The following ANO6 variants were observed in gnomAD, a reference collection of about 807,000 sequenced individuals.
ANO6 encodes anoctamin-6.
ANO6 carries 106 observed loss-of-function variants against 117.5 expected under a neutral mutation model. The ratio of observed to expected loss-of-function variants is 0.90; its 90% confidence interval spans 0.77 to 1.06. The LOEUF (loss-of-function observed/expected upper bound fraction) is 1.06. Among genes scored for constraint, ANO6 ranks in the 50% least tolerant of loss-of-function variants. The pLI is 0.00. For synonymous variants in ANO6, 367 were observed against 385.1 expected (o/e 0.95, Z 0.55); for missense variants, 955 against 1,121.1 (o/e 0.85, Z 2.12).
chr12:45,388,950 A>C lies in ANO6; in HGVS notation c.1308+647A>C, dbSNP rs575462225. 9.4e-4 allele frequency among the ~76,000 whole-genome samples: 143 copies of C among 152,342 alleles called. 1 individual carries two copies. The South Asian group carries it at 0.011, about 11-fold the overall frequency. The stretch of plus-strand genomic sequence containing the variant: ...TATATTCTGTCTGTATAAATATTCC[A>C]AAGTCCCTGAAAGATGATTTTTAAA... On this transcript the variant is annotated intron_variant, in intron 11 of 19. Coordinates refer to ENST00000320560, the MANE Select transcript of ANO6 (RefSeq NM_001025356.3).
intron 1 of ANO6, among the ~76,000 whole-genome samples, chr12:45,267,961 C>G (rs1025492011): frequency 9.9e-5 from 15 of 151,450 alleles, no homozygotes; most frequent in African/African-American, 3.4e-4. Context: ...AAAAATAACT[C>G]TCTCTCCCAA....
chr12:45,289,496 C>A (rs1939027531), intron 1 of ANO6, among the ~76,000 whole-genome samples: 1 of 152,140 alleles, frequency 6.6e-6, no homozygotes, highest in South Asian at 2.1e-4. Flanking sequence ...GCTATACTCA[C>A]CAAATTGCTA....
At chr12:45,358,158 G>T (rs777921036) in intron 8 of ANO6, among the ~76,000 whole-genome samples, 1 of 152,162 alleles carries the variant, frequency 6.6e-6, no homozygotes, top group Non-Finnish European at 1.5e-5. Context: ...ATCCAGGTGT[G>T]CCAGCCAGAT....
intron 1 of ANO6, among the ~76,000 whole-genome samples, chr12:45,264,655 A>G (rs867685088): frequency 1.3e-5 from 2 of 152,126 alleles, no homozygotes; most frequent in South Asian, 4.1e-4. Flanking sequence ...GTGAAACCTG[A>G]CTGTGGATAC....
At chr12:45,417,178 A>T (rs1215570788) in intron 17 of ANO6, among the ~76,000 whole-genome samples, 1 of 152,240 alleles carries the variant, frequency 6.6e-6, no homozygotes, top group African/African-American at 2.4e-5. Flanking sequence ...GATAAGAAGT[A>T]CTAACACTTT....
intron 19 of ANO6, among the ~76,000 whole-genome samples, chr12:45,439,005 A>G (rs540468610): frequency 1.3e-5 from 2 of 152,346 alleles, no homozygotes; most frequent in South Asian, 4.1e-4. Context: ...AAGATGTAGG[A>G]AGTATATCCA....
chr12:45,285,554 C>A (rs1208126407), intron 1 of ANO6, among the ~76,000 whole-genome samples: 1 of 152,008 alleles, frequency 6.6e-6, no homozygotes, highest in Non-Finnish European at 1.5e-5. Flanking sequence ...CATGGTGAAA[C>A]CTTGTCTCTA....
intron 7 of ANO6, among the ~76,000 whole-genome samples, chr12:45,351,655 T>G (rs879334280): frequency 6.6e-6 from 1 of 152,062 alleles, no homozygotes; most frequent in Non-Finnish European, 1.5e-5. Flanking sequence ...CTTTGAGGAC[T>G]TGGCAGAAGT....
chr12:45,224,273 A>G (rs1947448223), intron 1 of ANO6, among the ~76,000 whole-genome samples: 1 of 152,212 alleles, frequency 6.6e-6, no homozygotes, highest in African/African-American at 2.4e-5. Flanking sequence ...GGGCTAGGAC[A>G]GCAGAGCGTC....
chr12:45,260,023 CT>C (rs766791028), intron 1 of ANO6, among the ~76,000 whole-genome samples: 8 of 152,232 alleles, frequency 5.3e-5, no homozygotes, highest in South Asian at 2.1e-4. Context: ...CTCTGTGCAG[CT>C]GTAATAACCT....
chr12:45,229,530 C>T (rs1947541508), intron 1 of ANO6, among the ~76,000 whole-genome samples: 1 of 151,828 alleles, frequency 6.6e-6, no homozygotes, highest in Non-Finnish European at 1.5e-5. Context: ...GCTGGGACTA[C>T]AGGCGCCTGC....
intron 1 of ANO6, among the ~76,000 whole-genome samples, chr12:45,226,715 TCA>T (rs1366110726): frequency 7.2e-5 from 11 of 152,118 alleles, no homozygotes; most frequent in African/African-American, 2.7e-4. Context: ...TGTCACATAG[TCA>T]CAGTCTTATA....
intron 12 of ANO6, among the ~76,000 whole-genome samples, chr12:45,395,974 G>T (rs961580029): frequency 6.6e-6 from 1 of 152,158 alleles, no homozygotes; most frequent in Non-Finnish European, 1.5e-5. Flanking sequence ...TCAACATAGT[G>T]TTGGAAGTTC....
intron 16 of ANO6, 134 bp downstream of exon 16, chr12:45,409,621 T>C: frequency 9.3e-7 from 1 of 1,073,916 alleles, no homozygotes; most frequent in Non-Finnish European, 1.4e-6. Context: ...CTCCACTAGA[T>C]AAAATTATAC....
chr12:45,350,392 T>C (rs1320248264), intron 6 of ANO6, among the ~76,000 whole-genome samples: 1 of 152,126 alleles, frequency 6.6e-6, no homozygotes, highest in East Asian at 1.9e-4. Flanking sequence ...TTTAAGCATC[T>C]CTGGGGCCCT....
intron 7 of ANO6, among the ~76,000 whole-genome samples, chr12:45,355,506 AT>A (rs1423531637): frequency 6.6e-6 from 1 of 152,086 alleles, no homozygotes; most frequent in African/African-American, 2.4e-5. Context: ...TAAATATGGC[AT>A]TTCCAGGATG....
At chr12:45,352,257 C>T (rs78261580) in intron 7 of ANO6, among the ~76,000 whole-genome samples, 4,649 of 152,128 alleles carry the variant, frequency 0.031, 128 homozygotes, top group South Asian at 0.069. Flanking sequence ...CTGCATTCAT[C>T]TGTCACCCAG....
intron 1 of ANO6, among the ~76,000 whole-genome samples, chr12:45,260,131 A>G (rs1164077966): frequency 6.6e-6 from 1 of 152,248 alleles, no homozygotes; most frequent in Non-Finnish European, 1.5e-5. Context: ...TTGAAAGCCG[A>G]GCACTTAGCG....
chr12:45,356,455 G>C (rs1190091200), intron 7 of ANO6, among the ~76,000 whole-genome samples: 3 of 152,100 alleles, frequency 2.0e-5, no homozygotes, highest in Non-Finnish European at 4.4e-5. Flanking sequence ...TTAATGGTCT[G>C]CTGTTGACTG....
Sources: allele counts gnomAD v4.1 joint callset (sites outside exome capture counted in the v4.1 genomes callset), GRCh38; gene constraint gnomAD v4.1.1; transcripts MANE v1.5; gene names NCBI Gene and HGNC (gene_info 2026-07-23, HGNC 2026-07-21).